The following NGLY1 variants were observed in gnomAD, a reference collection of about 807,000 sequenced individuals.
NGLY1 encodes the protein N-glycanase 1, also known as peptide-N(4)-(N-acetyl-beta-glucosaminyl)asparagine amidase.
In NGLY1, 68 loss-of-function variants were observed where a neutral mutation model predicts 84.6. That is an observed-to-expected ratio of 0.80 (90% CI 0.66 to 0.98). The LOEUF is 0.98. Among genes scored for constraint, NGLY1 ranks in the 50% least tolerant of loss-of-function variants. NGLY1 has a pLI of 0.00. For missense variants in NGLY1, 779 were observed against 770.2 expected (o/e 1.01, Z -0.14); for synonymous variants, 280 against 275.2 (o/e 1.02, Z -0.17).
chr3:25,780,809 G>C (rs1027496172), intron 1 of NGLY1, among the ~76,000 whole-genome samples: 11 of 151,444 alleles, frequency 7.3e-5, no homozygotes, highest in African/African-American at 2.4e-4. Flanking sequence ...TAAGAGATGG[G>C]GTCTCACTGT....
Position 25,729,306 on chromosome 3 carries a change from A to C in NGLY1, c.1438T>G (p.Leu480Val). The C allele has an allele frequency of 7.1e-7, 1 of 1,403,702 alleles. No individual in the cohort carries two copies. The allele number at this position is 1,403,702 out of a possible 1,614,324, so 87.0% of individuals were successfully genotyped here. ...TTCTCATTTTCACAGGGAATAAACAAGGTTTCTTTTCTCTTAAAAAGAAAG... is the reference window on the plus strand; with the variant it reads ...TTCTCATTTTCACAGGGAATAAACACGGTTTCTTTTCTCTTAAAAAGAAAG... ...GEMGLQRKETLFIPCENEKIS... is the reference protein window; with the variant it reads ...GEMGLQRKETVFIPCENEKIS... The change falls in exon 10 of 12, where the codon TTG becomes GTG. Residue 480 changes from leucine (L) to valine (V), a missense_variant. By Grantham distance (32) the Leu-to-Val change is conservative. Coordinates refer to ENST00000280700, the MANE Select transcript of NGLY1 (RefSeq NM_018297.4).
chr3:25,752,819 GTAATATAAAATAAA>G (rs1451933509), intron 3 of NGLY1, among the ~76,000 whole-genome samples: 1 of 151,130 alleles, frequency 6.6e-6, no homozygotes, highest in Non-Finnish European at 1.5e-5. Context: ...AAATTAATAA[GTAATATAAAATAAA>G]TAATATAAAA....
In NGLY1 at chr3:25,737,457, T is replaced by C; in HGVS notation, c.882-2A>G. On this transcript the variant is annotated splice_acceptor_variant, in intron 5 of 11. Transcript: ENST00000280700. LOFTEE classifies it high-confidence loss of function. ...AAAAGTTTCTCAGGGTTATTATATC[T>C]GGTTTAAAAAGAAAAAAAACCTTAA... 1 of 1,589,496 alleles carries C rather than the reference T, an allele frequency of 6.3e-7. No individual in the cohort carries two copies. Among genetic ancestry groups the C allele is most frequent in the Non-Finnish European group, 8.6e-7 (1 of 1,168,602 alleles).
At chr3:25,749,322 A>G (rs1265423078) in intron 4 of NGLY1, among the ~76,000 whole-genome samples, 1 of 152,250 alleles carries the variant, frequency 6.6e-6, no homozygotes, top group Non-Finnish European at 1.5e-5. Context: ...ATTATTCACA[A>G]TAGCCAAAAT....
intron 2 of NGLY1, chr3:25,777,846 G>C (rs1393407083): frequency 6.6e-6 from 1 of 152,166 alleles, no homozygotes; most frequent in Non-Finnish European, 1.5e-5. Context: ...GGAACCTGGG[G>C]AGGGAAGCAG....
chr3:25,726,734 C>A (rs192272207), intron 10 of NGLY1, among the ~76,000 whole-genome samples: 5 of 152,126 alleles, frequency 3.3e-5, no homozygotes, highest in Non-Finnish European at 2.9e-5. Flanking sequence ...GTTTCTTTAG[C>A]GAGAGCATGG....
At chr3:25,756,456 T>C (rs1231181554) in intron 3 of NGLY1, among the ~76,000 whole-genome samples, 1 of 152,230 alleles carries the variant, frequency 6.6e-6, no homozygotes, top group African/African-American at 2.4e-5. Context: ...TTAGTTTTTA[T>C]GCCTGTTGAG....
chr3:25,760,211 T>C (rs1707240781), intron 3 of NGLY1, among the ~76,000 whole-genome samples: 1 of 152,212 alleles, frequency 6.6e-6, no homozygotes, highest in South Asian at 2.1e-4. Flanking sequence ...TCAGAGTACA[T>C]TATGGTTAAG....
chr3:25,783,480 A>ACCGGCAGGGGCGGGGTCCTCGG (rs28384487), upstream of NGLY1: 139 of 1,235,582 alleles, frequency 1.1e-4, no homozygotes, highest in Admixed American at 8.3e-4. This position sits in a 1 kb window ranked among gnomAD's most constrained non-coding sequence, Gnocchi z 4.5. Flanking sequence ...TACCGCAGCC[A>ACCGGCAGGGGCGGGGTCCTCGG]CCGGCAGGGG....
chr3:25,728,465 T>G (rs1440913106), intron 10 of NGLY1, among the ~76,000 whole-genome samples: 2 of 152,168 alleles, frequency 1.3e-5, no homozygotes, highest in Admixed American at 1.3e-4. Context: ...ACTGAGGTCA[T>G]GTGAATAGCT....
chr3:25,748,879 A>C (rs1273618887), intron 4 of NGLY1, among the ~76,000 whole-genome samples: 5 of 152,196 alleles, frequency 3.3e-5, no homozygotes, highest in African/African-American at 1.2e-4. Context: ...ACCAATGATT[A>C]AACTGCAAAT....
chr3:25,772,654 C>G (rs1346289499), intron 2 of NGLY1, among the ~76,000 whole-genome samples: 1 of 151,926 alleles, frequency 6.6e-6, no homozygotes, highest in African/African-American at 2.4e-5. Context: ...ATGTGAGGTA[C>G]TATTCTAGTG....
At chr3:25,727,980 T>C (rs1265120403) in intron 10 of NGLY1, among the ~76,000 whole-genome samples, 1 of 152,156 alleles carries the variant, frequency 6.6e-6, no homozygotes, top group East Asian at 1.9e-4. Flanking sequence ...GTTCATCCTC[T>C]CTCATCAACT....
intron 2 of NGLY1, among the ~76,000 whole-genome samples, chr3:25,766,489 T>A (rs1007197576): frequency 6.6e-6 from 1 of 152,214 alleles, no homozygotes; most frequent in Non-Finnish European, 1.5e-5. Flanking sequence ...ACTCCATCTT[T>A]GACTGAACAG....
At chr3:25,727,618 T>TA (rs756006592) in intron 10 of NGLY1, among the ~76,000 whole-genome samples, 1 of 152,206 alleles carries the variant, frequency 6.6e-6, no homozygotes, top group East Asian at 1.9e-4. Context: ...GATGGCGGTT[T>TA]ATGCTTTGGC....
At chr3:25,737,776 C>T (rs770617895) in intron 5 of NGLY1, among the ~76,000 whole-genome samples, 19 of 152,054 alleles carry the variant, frequency 1.2e-4, no homozygotes, top group Non-Finnish European at 2.4e-4. Flanking sequence ...GATCTCCTGA[C>T]CTCGTGATTC....
At chr3:25,755,367 G>A in intron 3 of NGLY1, 3 of 1,320,086 alleles carry the variant, frequency 2.3e-6, no homozygotes, top group Middle Eastern at 1.9e-4. Context: ...TTGACTGTTG[G>A]TGCTGTTAGT....
intron 2 of NGLY1, among the ~76,000 whole-genome samples, chr3:25,772,990 G>A (rs1347692754): frequency 1.3e-5 from 2 of 152,312 alleles, no homozygotes; most frequent in Non-Finnish European, 2.9e-5. Context: ...CTTCTACTGA[G>A]AAATCTGCTG....
In NGLY1 at chr3:25,783,370, G is replaced by GC; in HGVS notation, c.20dup (p.Ser8GlnfsTer12). 4 of 1,546,240 alleles carry GC rather than the reference G, an allele frequency of 2.6e-6. No individual in the cohort carries two copies. Among genetic ancestry groups the GC allele is most frequent in the Non-Finnish European group, 3.5e-6 (4 of 1,147,172 alleles). ...CCGGGGACGCCGAGCCTGAGGAGCTGCCCAATGCCGCCGCCGCCATGCTTG... is the reference window on the plus strand; with the variant it reads ...CCGGGGACGCCGAGCCTGAGGAGCTGCCCCAATGCCGCCGCCGCCATGCTTG... On this transcript the variant is annotated frameshift_variant, in exon 1 of 12. Coordinates refer to ENST00000280700, the MANE Select transcript of NGLY1 (RefSeq NM_018297.4). LOFTEE classifies it high-confidence loss of function. The surrounding 1 kb of genome is among the most constrained non-coding windows in gnomAD (Gnocchi z 4.5).
Sources: allele counts gnomAD v4.1 joint callset (sites outside exome capture counted in the v4.1 genomes callset), GRCh38; gene constraint gnomAD v4.1.1; non-coding constraint Gnocchi (gnomAD v3.1); transcripts MANE v1.5; gene names NCBI Gene and HGNC (gene_info 2026-07-23, HGNC 2026-07-21).